LHCGR: variants seen among roughly 807,000 people sequenced by gnomAD.
The protein encoded by LHCGR is lutropin-choriogonadotropic hormone receptor.
LHCGR carries 55 observed loss-of-function variants against 60.7 expected under a neutral mutation model. The ratio of observed to expected loss-of-function variants is 0.91; its 90% CI spans 0.73 to 1.13. The LOEUF is 1.13. Among genes scored for constraint, LHCGR ranks in the 50% most tolerant of loss-of-function variants. The pLI is 0.00. For missense variants in LHCGR, 862 were observed against 836.0 expected (o/e 1.03, Z -0.38); for synonymous variants, 337 against 316.5 (o/e 1.06, Z -0.69).
At chr2:48,708,096 C>T (rs527957414) in intron 8 of LHCGR, among the ~76,000 whole-genome samples, 12 of 152,296 alleles carry the variant, frequency 7.9e-5, no homozygotes, top group Non-Finnish European at 1.3e-4. Context: ...AGAAATCACC[C>T]GTCTTCTGCA....
Position 48,688,772 on chromosome 2 carries a change from C to A in LHCGR, c.1025G>T (p.Arg342Leu). Reference protein sequence around the residue: ...EYGFCLPKTPRCAPEPDAFNP... With the variant: ...EYGFCLPKTPLCAPEPDAFNP... ...AAAAGCATCTGGTTCAGGAGCACAT[C>A]GGGGTGTCTTGGGTAAGCAGAAACC... Residue 342 changes from arginine (R) to leucine (L), a missense_variant, in exon 11 of 11, where the codon CGA (arginine) becomes CTA (leucine). Transcript: ENST00000294954. The surrounding 1 kb of genome is among the most constrained non-coding windows in gnomAD (Gnocchi z 5.2). The A allele has an allele frequency of 1.9e-6, 3 of 1,614,086 alleles. No homozygotes were observed. The highest frequency in any genetic ancestry group is 2.5e-6 in the Non-Finnish European group (3 of 1,180,008).
At chr2:48,749,617 A>T (rs1014802197) in intron 1 of LHCGR, among the ~76,000 whole-genome samples, 2 of 152,088 alleles carry the variant, frequency 1.3e-5, no homozygotes, top group Non-Finnish European at 2.9e-5. Context: ...GCCTCATTTC[A>T]AGACATGAAA....
chr2:48,754,988 C>T (rs1034498547), intron 1 of LHCGR, among the ~76,000 whole-genome samples: 1 of 152,092 alleles, frequency 6.6e-6, no homozygotes, highest in Non-Finnish European at 1.5e-5. Flanking sequence ...GGAGCAGCGG[C>T]TTGTGTGCTC....
chr2:48,720,029 G>A (rs1312502701), intron 6 of LHCGR: 1 of 152,160 alleles, frequency 6.6e-6, no homozygotes, highest in Non-Finnish European at 1.5e-5. Flanking sequence ...AAGGGGGATG[G>A]AACTACAATG....
At chr2:48,742,536 T>C (rs1413580475) in intron 1 of LHCGR, among the ~76,000 whole-genome samples, 3 of 151,660 alleles carry the variant, frequency 2.0e-5, no homozygotes, top group Non-Finnish European at 4.4e-5. Flanking sequence ...GGATTAAGAA[T>C]CTCACTCAAA....
At chr2:48,719,237 G>T (rs1041270437) in intron 6 of LHCGR, among the ~76,000 whole-genome samples, 1 of 152,128 alleles carries the variant, frequency 6.6e-6, no homozygotes, top group Non-Finnish European at 1.5e-5. Context: ...CAGGAGAATC[G>T]CTTGAACCCA....
At chr2:48,704,693 T>C (rs1444387143) in intron 8 of LHCGR, among the ~76,000 whole-genome samples, 4 of 152,252 alleles carry the variant, frequency 2.6e-5, no homozygotes, top group Non-Finnish European at 5.9e-5. Context: ...GTTTATAGTA[T>C]TCTCTGATGG....
At chr2:48,704,418 A>G (rs1380930336) in intron 8 of LHCGR, among the ~76,000 whole-genome samples, 2 of 152,194 alleles carry the variant, frequency 1.3e-5, no homozygotes, top group Non-Finnish European at 2.9e-5. Flanking sequence ...TGAGTTAGGG[A>G]GGATTCCCTC....
At chr2:48,747,232 G>A (rs1669749468) in intron 1 of LHCGR, among the ~76,000 whole-genome samples, 1 of 152,094 alleles carries the variant, frequency 6.6e-6, no homozygotes, top group Admixed American at 6.5e-5. Context: ...GGGACTACAG[G>A]CAAGCACCAC....
intron 10 of LHCGR, among the ~76,000 whole-genome samples, chr2:48,693,097 A>G (rs1269624484): frequency 6.6e-6 from 1 of 152,174 alleles, no homozygotes; most frequent in Non-Finnish European, 1.5e-5. Flanking sequence ...GATAAGAATA[A>G]AGTCATGTGG....
At chr2:48,697,127 A>G (rs1224322411) in intron 9 of LHCGR, among the ~76,000 whole-genome samples, 4 of 152,250 alleles carry the variant, frequency 2.6e-5, no homozygotes, top group South Asian at 2.1e-4. Flanking sequence ...CCATGTGTCC[A>G]TGTTTCAATT....
intron 1 of LHCGR, chr2:48,732,765 C>T (rs1353779863): frequency 2.3e-5 from 11 of 475,270 alleles, no homozygotes; most frequent in South Asian, 4.9e-5. Context: ...GTTTACCAGC[C>T]GTTCCTCCCT....
chr2:48,734,504 AT>A (rs2103648322), intron 1 of LHCGR, among the ~76,000 whole-genome samples: 1 of 152,322 alleles, frequency 6.6e-6, no homozygotes, highest in South Asian at 2.1e-4. Flanking sequence ...CAAATGGAAA[AT>A]AAAAAAGGTT....
chr2:48,692,474 C>T (rs963441414), intron 10 of LHCGR, among the ~76,000 whole-genome samples: 2 of 152,178 alleles, frequency 1.3e-5, no homozygotes, highest in Non-Finnish European at 2.9e-5. Flanking sequence ...AAATGCCCAC[C>T]TGCTGTTACT....
intron 8 of LHCGR, among the ~76,000 whole-genome samples, chr2:48,702,596 C>T (rs1025359704): frequency 3.9e-5 from 6 of 152,170 alleles, no homozygotes; most frequent in African/African-American, 1.2e-4. Flanking sequence ...ATGAACTTAT[C>T]CTTTTTTATG....
intron 1 of LHCGR, among the ~76,000 whole-genome samples, chr2:48,745,273 T>C (rs1359387462): frequency 6.6e-6 from 1 of 152,202 alleles, no homozygotes; most frequent in African/African-American, 2.4e-5. Flanking sequence ...TCAACCATTG[T>C]GGAAGTCAGT....
At chr2:48,753,676 C>A (rs1357799086) in intron 1 of LHCGR, among the ~76,000 whole-genome samples, 1 of 152,112 alleles carries the variant, frequency 6.6e-6, no homozygotes, top group African/African-American at 2.4e-5. Context: ...CTCCTGAGAA[C>A]AGCACGTGGC....
At chr2:48,705,055 C>A (rs1667596018) in intron 8 of LHCGR, among the ~76,000 whole-genome samples, 1 of 152,192 alleles carries the variant, frequency 6.6e-6, no homozygotes, top group South Asian at 2.1e-4. Context: ...CTACATACTG[C>A]TTTAAATGTG....
At chr2:48,692,066 A>G (rs1026206320) in intron 10 of LHCGR, among the ~76,000 whole-genome samples, 1 of 152,088 alleles carries the variant, frequency 6.6e-6, no homozygotes, top group Non-Finnish European at 1.5e-5. Context: ...GATCAGCTCC[A>G]TCAGAATCAC....
Sources: allele counts gnomAD v4.1 joint callset (sites outside exome capture counted in the v4.1 genomes callset), GRCh38; gene constraint gnomAD v4.1.1; non-coding constraint Gnocchi (gnomAD v3.1); transcripts MANE v1.5; gene names NCBI Gene and HGNC (gene_info 2026-07-23, HGNC 2026-07-21).